Variants in PLA2G6 observed in about 807,000 individuals in gnomAD.
PLA2G6 encodes 85/88 kDa calcium-independent phospholipase A2.
Under a neutral mutation model 83.8 loss-of-function variants are expected in PLA2G6, and 62 were observed. The observed-to-expected ratio is 0.74, with a 90% confidence interval of 0.60 to 0.91. The LOEUF is 0.91. Among genes scored for constraint, PLA2G6 ranks in the 40% least tolerant of loss-of-function variants. PLA2G6 has a pLI of 0.00. For missense variants in PLA2G6, 944 were observed against 1,102.0 expected, an observed-to-expected ratio of 0.86 and a Z score of 2.03; for synonymous variants, 417 against 449.8, an observed-to-expected ratio of 0.93 and a Z score of 0.92.
chr22:38,170,195 CAAAAAA>C (rs132990), intron 1 of PLA2G6, among the ~76,000 whole-genome samples: 16,828 of 75,478 alleles, frequency 0.22, 1,169 homozygotes, highest in African/African-American at 0.31. Context: ...GACTCTGTCT[CAAAAAA>C]AAAAAAAAAA....
chr22:38,165,870 A>T (rs1251284884), intron 2 of PLA2G6, among the ~76,000 whole-genome samples: 1 of 152,132 alleles, frequency 6.6e-6, no homozygotes, highest in African/African-American at 2.4e-5. Flanking sequence ...ACAGAGCGAG[A>T]CTCCATCTCA....
rs1176124240 is a variant in PLA2G6, at chr22:38,123,454, G to A, written c.1428-196C>T. ...AGGAACAAATGTCTAGTATTTCAGG[G>A]GCTGGAGAGTGCAACAGAGAAAGGG... On this transcript the variant is annotated intron_variant, in intron 10 of 16. Coordinates refer to ENST00000332509, the MANE Select transcript of PLA2G6 (RefSeq NM_003560.4). This position sits in a 1 kb window ranked among gnomAD's most constrained non-coding sequence, Gnocchi z 4.1. Among the ~76,000 whole-genome samples, 1 of 152,174 alleles carries A rather than the reference G, an allele frequency of 6.6e-6. No individual in the cohort carries two copies. Among genetic ancestry groups the A allele is most frequent in the Non-Finnish European group, 1.5e-5 (1 of 68,034 alleles).
At position 38,132,262 on chromosome 22, in the gene PLA2G6, T is replaced by C. The variant is rs2088264022; in HGVS notation, c.1077+569A>G. The C allele has an allele frequency of 2.9e-6, 1 of 347,636 alleles. No homozygotes were observed. Among genetic ancestry groups the C allele is most frequent in the African/African-American group, 2.2e-5 (1 of 45,708 alleles). 21.5% of individuals were successfully genotyped at this position (347,636 alleles called of 1,614,324 possible). A position where few individuals can be genotyped will look rare whatever the true frequency, so the allele number is the denominator to read the frequency against. ...GTGTTCTATAATAAACCAACGAATA[T>C]GCCTGGCACCTGCCACAGGCTGCTG... On this transcript the variant is annotated intron_variant, in intron 7 of 16. Coordinates refer to ENST00000332509, the MANE Select transcript of PLA2G6 (RefSeq NM_003560.4). The surrounding 1 kb of genome is among the most constrained non-coding windows in gnomAD (Gnocchi z 5.0).
rs143253553 is a variant in PLA2G6, at chr22:38,159,862, G to A, written c.209+9356C>T. Among the ~76,000 whole-genome samples the A allele has an allele frequency of 8.0e-3, 1,225 of 152,252 alleles. 18 individuals carry two copies. Among genetic ancestry groups the A allele is most frequent in the African/African-American group, 0.028 (1,166 of 41,552 alleles). On this transcript the variant is annotated intron_variant, in intron 2 of 16. Transcript: ENST00000332509. ...TTAAACAAGACACAAAAAGTACACCGTAAAGAAGATGAACAAATTTGACTT... is the reference window on the plus strand; with the variant it reads ...TTAAACAAGACACAAAAAGTACACCATAAAGAAGATGAACAAATTTGACTT...
At chr22:38,135,488 C>T in intron 5 of PLA2G6, 1 of 241,634 alleles carries the variant, frequency 4.1e-6, no homozygotes, top group South Asian at 5.4e-5. Flanking sequence ...AGCCACCCTC[C>T]ACCTCCTTAC....
chr22:38,145,826 C>T, intron 2 of PLA2G6, 173 bp from the exon 3 acceptor site: 1 of 659,186 alleles, frequency 1.5e-6, no homozygotes, highest in Admixed American at 2.1e-5. Context: ...CACACACACA[C>T]ACACACACCC....
At chr22:38,139,898 A>C in intron 5 of PLA2G6, 84 bp downstream of exon 5, 1 of 1,102,738 alleles carries the variant, frequency 9.1e-7, no homozygotes, top group Non-Finnish European at 1.4e-6. Context: ...TCTATGGTGG[A>C]TACTGCTTGC....
At chr22:38,127,196 A>C in intron 9 of PLA2G6, 1 of 1,185,840 alleles carries the variant, frequency 8.4e-7, no homozygotes, top group Non-Finnish European at 1.1e-6. Context: ...AGCAGAACCG[A>C]GGGCTGCGAA....
At position 38,116,108 on chromosome 22, in the gene PLA2G6, T is replaced by G. The variant is rs762053663; in HGVS notation, c.1846A>C (p.Asn616His). The G allele has an allele frequency of 6.2e-6, 10 of 1,613,946 alleles. No homozygotes were observed. Among genetic ancestry groups the G allele is most frequent in the Non-Finnish European group, 8.5e-6 (10 of 1,180,018 alleles). Residue 616 changes from asparagine (N) to histidine (H), a missense_variant, in exon 13 of 17, where the codon AAC (asparagine) becomes CAC (histidine). Asn to His is a moderately conservative substitution (Grantham distance 68). Coordinates refer to ENST00000332509, the MANE Select transcript of PLA2G6 (RefSeq NM_003560.4). ...ETVREPRFNQ[N>H]VNLRPPAQPS... is the part of the protein sequence containing the mutation. ...TGAGCTGGAGGCCTGAGGTTAACGT[T>G]CTGGTTGAAACGAGGCTCCCGGACA...
intron 4 of PLA2G6, chr22:38,140,894 A>T (rs1456719993): frequency 2.0e-5 from 3 of 152,434 alleles, no homozygotes; most frequent in East Asian, 1.9e-4. Context: ...AAAAAATTTT[A>T]AAAATTAGCT....
At chr22:38,114,458 T>A (rs2087066575) in intron 14 of PLA2G6, among the ~76,000 whole-genome samples, 1 of 152,224 alleles carries the variant, frequency 6.6e-6, no homozygotes, top group African/African-American at 2.4e-5. Context: ...GTGCTGGGAT[T>A]ACAGGCGTGA....
At chr22:38,117,913 A>G (rs1244341144) in intron 12 of PLA2G6, among the ~76,000 whole-genome samples, 1 of 151,884 alleles carries the variant, frequency 6.6e-6, no homozygotes, top group African/African-American at 2.4e-5. Context: ...GTGCACGCCT[A>G]TAATCCCAGC....
At chr22:38,131,372 ATAG>A (rs1184936146) in intron 7 of PLA2G6, 1 of 151,414 alleles carries the variant, frequency 6.6e-6, no homozygotes, top group African/African-American at 2.5e-5. Context: ...TTGTGGGTAC[ATAG>A]TAGGCATATA....
intron 13 of PLA2G6, 57 bp from the exon 14 acceptor site, chr22:38,115,738 GCACT>G: frequency 6.5e-7 from 1 of 1,550,046 alleles, no homozygotes; most frequent in Non-Finnish European, 8.7e-7. Context: ...TAAAACCCAT[GCACT>G]CCAGATCTCA....
rs1465629909 is a variant in PLA2G6 at position 38,120,911 on chromosome 22, T to G, written c.1592-2A>C. 8.7e-6 allele frequency: 14 copies of G among 1,613,336 alleles called. No homozygotes were observed. The highest frequency in any genetic ancestry group is 1.1e-5 in the Non-Finnish European group (13 of 1,179,990). On this transcript the variant is annotated splice_acceptor_variant, in intron 11 of 16. Coordinates refer to ENST00000332509, the MANE Select transcript of PLA2G6 (RefSeq NM_003560.4). LOFTEE classifies it high-confidence loss of function. Reference sequence around the variant, plus strand: ...CGCGCATGTAGGCCATGGACTTACCTAGGAACAAAGGGGTCAGAGGCGGGG... The same window carrying G: ...CGCGCATGTAGGCCATGGACTTACCGAGGAACAAAGGGGTCAGAGGCGGGG...
intron 2 of PLA2G6, among the ~76,000 whole-genome samples, chr22:38,157,845 G>A (rs762920071): frequency 1.2e-4 from 19 of 152,180 alleles, no homozygotes; most frequent in Non-Finnish European, 2.1e-4. Flanking sequence ...GACCAGCCTG[G>A]CCAACATGGT....
chr22:38,152,451 C>T (rs1363820163), intron 2 of PLA2G6, among the ~76,000 whole-genome samples: 1 of 151,824 alleles, frequency 6.6e-6, no homozygotes, highest in Non-Finnish European at 1.5e-5. Flanking sequence ...AGGTGATCCA[C>T]TCGCCTTGGC....
chr22:38,128,539 C>A lies in PLA2G6; in HGVS notation c.1187-109G>T. The stretch of plus-strand genomic sequence containing the variant: ...TCCGTCCCCTGTCCCAGCTCCCAGG[C>A]CCTGGGCACGTGGGCTGCTCCAGAG... On this transcript the variant is annotated intron_variant, in intron 8 of 16. Coordinates refer to ENST00000332509, the MANE Select transcript of PLA2G6 (RefSeq NM_003560.4). This position sits in a 1 kb window ranked among gnomAD's most constrained non-coding sequence, Gnocchi z 4.4. 7.9e-7 allele frequency: 1 copy of A among 1,260,124 alleles called. No individual in the cohort carries two copies. The highest frequency in any genetic ancestry group is 2.0e-5 in the Admixed American group (1 of 50,982). The allele number at this position is 1,260,124 out of a possible 1,614,324, so 78.1% of individuals were successfully genotyped here.
intron 2 of PLA2G6, among the ~76,000 whole-genome samples, chr22:38,154,598 C>T (rs1310897298): frequency 6.6e-6 from 1 of 152,234 alleles, no homozygotes; most frequent in African/African-American, 2.4e-5. Context: ...AAACTTAGAT[C>T]ACAATACCCA....
Sources: allele counts gnomAD v4.1 joint callset (sites outside exome capture counted in the v4.1 genomes callset), GRCh38; gene constraint gnomAD v4.1.1; non-coding constraint Gnocchi (gnomAD v3.1); transcripts MANE v1.5; gene names NCBI Gene and HGNC (gene_info 2026-07-23, HGNC 2026-07-21).